The following WDR37 variants were observed in gnomAD, a reference collection of about 807,000 sequenced individuals.
WDR37 encodes the protein WD repeat domain 37, also known as WD repeat-containing protein 37.
Under a neutral mutation model 62.9 loss-of-function variants are expected in WDR37, and 19 were observed. That is an observed-to-expected ratio of 0.30 (90% CI 0.21 to 0.44). WDR37 has a LOEUF of 0.44. WDR37 is among the 20% of genes least tolerant of loss of function. The pLI is 1.00. For missense variants in WDR37, 474 were observed against 657.6 expected, an observed-to-expected ratio of 0.72 and a Z score of 3.05; for synonymous variants, 250 against 260.9, an observed-to-expected ratio of 0.96 and a Z score of 0.40.
Position 1,121,321 on chromosome 10 carries a change from C to T in WDR37, c.1104-2897C>T, listed in dbSNP as rs1322321671. Among the ~76,000 whole-genome samples the T allele has an allele frequency of 6.6e-6, 1 of 152,186 alleles. No homozygotes were observed. Among genetic ancestry groups the T allele is most frequent in the Non-Finnish European group, 1.5e-5 (1 of 68,036 alleles). On this transcript the variant is annotated intron_variant, in intron 11 of 13. Transcript: ENST00000263150. The surrounding 1 kb of genome is among the most constrained non-coding windows in gnomAD (Gnocchi z 4.5). ...TTAACTTGGCCAAACCTCCTGAAGA[C>T]TCCAGTTCAAAGAGAAGTTGGGGGC...
intron 7 of WDR37, among the ~76,000 whole-genome samples, chr10:1,087,478 C>T (rs980845709): frequency 2.0e-5 from 3 of 152,206 alleles, no homozygotes; most frequent in African/African-American, 7.2e-5. Context: ...CGAAATGACT[C>T]CTTGATCCCT....
chr10:1,128,849 C>T (rs912693499), intron 13 of WDR37, among the ~76,000 whole-genome samples: 2 of 150,608 alleles, frequency 1.3e-5, no homozygotes, highest in Non-Finnish European at 1.5e-5. Flanking sequence ...TGGTCCTGCT[C>T]AGTGGTCCAT....
chr10:1,089,262 C>T (rs1005433601), intron 7 of WDR37, among the ~76,000 whole-genome samples: 1 of 152,008 alleles, frequency 6.6e-6, no homozygotes, highest in South Asian at 2.1e-4. Context: ...TCTGAGGGAT[C>T]CAGCCTCAGT....
intron 1 of WDR37, among the ~76,000 whole-genome samples, chr10:1,071,779 T>C (rs1833736798): frequency 6.6e-6 from 1 of 152,234 alleles, no homozygotes; most frequent in Non-Finnish European, 1.5e-5. Context: ...ATGTGTAGTC[T>C]AGAATATGCA....
intron 11 of WDR37, among the ~76,000 whole-genome samples, chr10:1,122,293 T>G (rs1419035385): frequency 6.6e-6 from 1 of 152,208 alleles, no homozygotes; most frequent in Non-Finnish European, 1.5e-5. Context: ...ATTCACATGC[T>G]TATCATCTCG....
At chr10:1,115,310 T>G (rs1391151285) in intron 11 of WDR37, among the ~76,000 whole-genome samples, 2 of 152,254 alleles carry the variant, frequency 1.3e-5, no homozygotes, top group Non-Finnish European at 2.9e-5. Flanking sequence ...TGGTGCTTTC[T>G]TCTAAAGAAA....
intron 5 of WDR37, among the ~76,000 whole-genome samples, chr10:1,081,417 G>A (rs1564500640): frequency 6.6e-6 from 1 of 152,170 alleles, no homozygotes; most frequent in Non-Finnish European, 1.5e-5. Flanking sequence ...AGTAGTTCTT[G>A]TTAGCTTTTT....
chr10:1,091,314 AT>A lies in WDR37; in HGVS notation c.605-2135del, dbSNP rs1458206063. ...CATCGAAATTGGAAGCATTAATACT[AT>A]TTGTTAGTGGGTCTAGTGATCGTTT... On this transcript the variant is annotated intron_variant, in intron 7 of 13. Coordinates refer to ENST00000263150, the MANE Select transcript of WDR37 (RefSeq NM_014023.4). Among the ~76,000 whole-genome samples the A allele has an allele frequency of 2.6e-5, 4 of 152,162 alleles. No individual in the cohort carries two copies. In the East Asian group the frequency reaches 7.7e-4, roughly 29 times the overall value.
intron 1 of WDR37, among the ~76,000 whole-genome samples, chr10:1,068,505 A>G (rs555390374): frequency 6.6e-6 from 1 of 152,230 alleles, no homozygotes; most frequent in East Asian, 1.9e-4. Context: ...GACACCCTAA[A>G]TAGCCTGTCT....
intron 1 of WDR37, among the ~76,000 whole-genome samples, chr10:1,066,338 G>T (rs11250246): frequency 1.3e-5 from 2 of 152,090 alleles, no homozygotes; most frequent in Non-Finnish European, 2.9e-5. Context: ...GGATGGTCTC[G>T]AAGTCCTGAC....
chr10:1,098,503 T>G (rs538509519), intron 9 of WDR37, among the ~76,000 whole-genome samples: 1 of 152,258 alleles, frequency 6.6e-6, no homozygotes, highest in South Asian at 2.1e-4. Flanking sequence ...AATTTTTGTA[T>G]TTTTAGTAGA....
intron 11 of WDR37, among the ~76,000 whole-genome samples, chr10:1,108,749 C>CCCCCG (rs1466041154): frequency 3.6e-4 from 46 of 128,094 alleles, no homozygotes; most frequent in South Asian, 5.3e-4. Context: ...GCCCCCCCCC[C>CCCCCG]CCGTGGAACC....
In WDR37 at chr10:1,105,173, C is replaced by T. The variant is rs752852603; in HGVS notation, c.1009C>T (p.Leu337Phe). 1 of 1,614,158 alleles carries T rather than the reference C, an allele frequency of 6.2e-7. No individual in the cohort carries two copies. The highest frequency in any genetic ancestry group is 1.7e-5 in the Admixed American group (1 of 60,018). The change falls in exon 11 of 14, where the codon CTC becomes TTC. Residue 337 changes from leucine (L) to phenylalanine (F), a missense_variant. Coordinates refer to ENST00000263150, the MANE Select transcript of WDR37 (RefSeq NM_014023.4). The surrounding 1 kb of genome is among the most constrained non-coding windows in gnomAD (Gnocchi z 5.3). ...CTGCTGCACACACCCCACCCAGCGGCTCGTGGTGACCTCCTCCCGTGACAC... is the reference window on the plus strand; with the variant it reads ...CTGCTGCACACACCCCACCCAGCGGTTCGTGGTGACCTCCTCCCGTGACAC... ...THCCTHPTQR[L>F]VVTSSRDTTF...
In WDR37 at chr10:1,115,006, C is replaced by T. The variant is rs564926585; in HGVS notation, c.1104-9212C>T. Among the ~76,000 whole-genome samples, 10 of 152,056 alleles carry T rather than the reference C, an allele frequency of 6.6e-5. 1 individual carries two copies. In the South Asian group the frequency reaches 2.1e-3, roughly 32 times the overall value. Reference sequence around the variant, plus strand: ...CACACCCCAATCCCGTAGAGTTTTCCTCCCCTCCCCATCTCCCTTTTTTGT... The same window carrying T: ...CACACCCCAATCCCGTAGAGTTTTCTTCCCCTCCCCATCTCCCTTTTTTGT... On this transcript the variant is annotated intron_variant, in intron 11 of 13. Coordinates refer to ENST00000263150, the MANE Select transcript of WDR37 (RefSeq NM_014023.4).
chr10:1,094,203 G>A (rs963759407), intron 8 of WDR37, among the ~76,000 whole-genome samples: 3 of 152,204 alleles, frequency 2.0e-5, no homozygotes, highest in South Asian at 2.1e-4. Flanking sequence ...AGGCTCTGTC[G>A]CCAGTACTGA....
chr10:1,096,713 G>A (rs921623007), intron 9 of WDR37: 9 of 157,584 alleles, frequency 5.7e-5, no homozygotes, highest in African/African-American at 9.6e-5. Context: ...GGGGGCTGCT[G>A]GAGAAATGCC....
At chr10:1,090,091 C>T (rs761105857) in intron 7 of WDR37, among the ~76,000 whole-genome samples, 5 of 152,184 alleles carry the variant, frequency 3.3e-5, no homozygotes, top group Non-Finnish European at 5.9e-5. Flanking sequence ...TTCAGCCTCC[C>T]GAGTAGCTGG....
At chr10:1,058,802 A>T (rs1220071046) in intron 1 of WDR37, among the ~76,000 whole-genome samples, 3 of 152,244 alleles carry the variant, frequency 2.0e-5, no homozygotes, top group African/African-American at 7.2e-5. Context: ...GAATTCGTCT[A>T]ACAGTGTTAT....
intron 1 of WDR37, among the ~76,000 whole-genome samples, chr10:1,065,117 A>G (rs1833496238): frequency 6.6e-6 from 1 of 152,238 alleles, no homozygotes; most frequent in South Asian, 2.1e-4. Flanking sequence ...ATCAGGAGGG[A>G]AGAACAAAGA....
Sources: gnomAD v4.1 joint callset for allele counts (sites outside exome capture counted in the v4.1 genomes callset) on GRCh38, gnomAD v4.1.1 for gene constraint, Gnocchi (gnomAD v3.1) non-coding constraint, MANE v1.5 for transcripts, NCBI Gene and HGNC (gene_info 2026-07-23, HGNC 2026-07-21) for gene names.